MAN2A1: variants seen among roughly 807,000 people sequenced by gnomAD.
The protein encoded by MAN2A1 is alpha-mannosidase 2.
Under a neutral mutation model 142.6 loss-of-function variants are expected in MAN2A1, and 76 were observed. That is an observed-to-expected ratio of 0.53 (90% confidence interval 0.44 to 0.65). MAN2A1 has a LOEUF of 0.65. MAN2A1 is among the 30% of genes least tolerant of loss of function. MAN2A1 has a pLI of 0.00. For missense variants in MAN2A1, 1,311 were observed against 1,365.1 expected (o/e 0.96, Z 0.62); for synonymous variants, 559 against 473.2 (o/e 1.18, Z -2.35).
chr5:109,853,372 G>A (rs1755530924), intron 19 of MAN2A1, among the ~76,000 whole-genome samples: 1 of 151,244 alleles, frequency 6.6e-6, no homozygotes, highest in South Asian at 2.1e-4. Flanking sequence ...AAGAATCTAT[G>A]TTGATTAGAG....
At chr5:109,722,433 G>A (rs1582823943) in intron 3 of MAN2A1, among the ~76,000 whole-genome samples, 1 of 152,056 alleles carries the variant, frequency 6.6e-6, no homozygotes, top group Non-Finnish European at 1.5e-5. Flanking sequence ...TTTGTTTTTT[G>A]AGATGGAGTC....
chr5:109,828,454 C>T (rs1324295746), intron 16 of MAN2A1, among the ~76,000 whole-genome samples: 1 of 152,176 alleles, frequency 6.6e-6, no homozygotes, highest in African/African-American at 2.4e-5. Flanking sequence ...AAGTACATAC[C>T]TTGCAATAAT....
At chr5:109,818,155 T>A (rs904505221) in intron 13 of MAN2A1, among the ~76,000 whole-genome samples, 11 of 152,198 alleles carry the variant, frequency 7.2e-5, no homozygotes, top group Admixed American at 3.3e-4. Flanking sequence ...TATTATTATT[T>A]TTGAGACAGA....
At chr5:109,713,476 T>C in intron 1 of MAN2A1, 44 bp from the exon 2 acceptor site, 2 of 1,516,278 alleles carry the variant, frequency 1.3e-6, no homozygotes, top group Middle Eastern at 1.8e-4. Context: ...TCAGCAGATC[T>C]ATATTAGTAT....
intron 19 of MAN2A1, among the ~76,000 whole-genome samples, chr5:109,851,065 A>G (rs1391219724): frequency 1.3e-5 from 2 of 152,200 alleles, no homozygotes; most frequent in East Asian, 1.9e-4. Context: ...TACTCCCTGA[A>G]TAGGAAGAGA....
At chr5:109,776,423 C>T (rs960385084) in intron 8 of MAN2A1, among the ~76,000 whole-genome samples, 1 of 151,994 alleles carries the variant, frequency 6.6e-6, no homozygotes, top group African/African-American at 2.4e-5. Context: ...GATGCTCATA[C>T]ATGAATATGT....
chr5:109,790,218 A>C (rs958188659), intron 12 of MAN2A1, among the ~76,000 whole-genome samples: 1 of 151,928 alleles, frequency 6.6e-6, no homozygotes, highest in African/African-American at 2.4e-5. Context: ...TAACTGTCAG[A>C]ATCAAGATAT....
intron 13 of MAN2A1, among the ~76,000 whole-genome samples, chr5:109,818,901 C>G (rs1243958132): frequency 6.6e-6 from 1 of 152,148 alleles, no homozygotes; most frequent in Non-Finnish European, 1.5e-5. Flanking sequence ...ACAGCCATGC[C>G]TTGGTATCTG....
intron 5 of MAN2A1, among the ~76,000 whole-genome samples, chr5:109,766,220 A>G (rs1752984515): frequency 6.6e-6 from 1 of 152,144 alleles, no homozygotes. Context: ...GTAGTTACTT[A>G]TCTTACTGTG....
intron 3 of MAN2A1, among the ~76,000 whole-genome samples, chr5:109,724,459 A>C (rs1751689735): frequency 6.6e-6 from 1 of 152,152 alleles, no homozygotes; most frequent in Admixed American, 6.5e-5. Context: ...AGATGAAAGG[A>C]TATTTCTGTT....
At chr5:109,755,987 A>G (rs141697162) in intron 5 of MAN2A1, among the ~76,000 whole-genome samples, 34 of 150,982 alleles carry the variant, frequency 2.3e-4, no homozygotes, top group African/African-American at 8.3e-4. Context: ...CAACCTAGCA[A>G]CCAGGAATTC....
intron 4 of MAN2A1, among the ~76,000 whole-genome samples, chr5:109,735,573 A>G (rs1752067183): frequency 6.6e-6 from 1 of 152,050 alleles, no homozygotes; most frequent in Non-Finnish European, 1.5e-5. Context: ...CTCTCTAGTG[A>G]GATGAACCCG....
rs113462560 is a variant in MAN2A1, at chr5:109,743,691, G to A, written c.708-11638G>A. Among the ~76,000 whole-genome samples, 15 of 152,186 alleles carry A rather than the reference G, an allele frequency of 9.9e-5. 1 individual carries two copies. The highest frequency in any genetic ancestry group is 3.4e-4 in the African/African-American group (14 of 41,520). On this transcript the variant is annotated intron_variant, in intron 4 of 21. Transcript: ENST00000261483. ...CCTGCTTTTCGTCTCCATTGCTCTT[G>A]TCTCGTACTATTGTGAAAACCTCCA... is the stretch of plus-strand genomic sequence containing the variant.
intron 17 of MAN2A1, among the ~76,000 whole-genome samples, chr5:109,845,052 A>G (rs1755311895): frequency 6.6e-6 from 1 of 152,200 alleles, no homozygotes; most frequent in African/African-American, 2.4e-5. Context: ...CCTTTCGTTA[A>G]TGGGCACTTA....
At chr5:109,703,419 A>G (rs1751043780) in intron 1 of MAN2A1, among the ~76,000 whole-genome samples, 2 of 152,240 alleles carry the variant, frequency 1.3e-5, no homozygotes, top group African/African-American at 2.4e-5. Flanking sequence ...ACCATTGCCT[A>G]TATGATGTGT....
At chr5:109,830,486 T>G (rs759810) in intron 16 of MAN2A1, among the ~76,000 whole-genome samples, 86,392 of 152,086 alleles carry the variant, frequency 0.57, 25,005 homozygotes, top group East Asian at 0.91. Flanking sequence ...TAAATTCATC[T>G]TCTAAGAATG....
chr5:109,694,020 G>C (rs1026287201), intron 1 of MAN2A1, among the ~76,000 whole-genome samples: 2 of 152,172 alleles, frequency 1.3e-5, no homozygotes, highest in Middle Eastern at 3.2e-3. Context: ...CTTACAAGCA[G>C]ATTTCACAAG....
intron 12 of MAN2A1, among the ~76,000 whole-genome samples, chr5:109,798,911 C>G (rs746224348): frequency 6.6e-6 from 1 of 152,126 alleles, no homozygotes; most frequent in African/African-American, 2.4e-5. Flanking sequence ...TCAGGATGGT[C>G]TCTATCTCCT....
At chr5:109,713,019 A>G (rs1751346340) in intron 1 of MAN2A1, among the ~76,000 whole-genome samples, 1 of 152,198 alleles carries the variant, frequency 6.6e-6, no homozygotes, top group African/African-American at 2.4e-5. Context: ...TTATGGCTGA[A>G]TTGACTAATT....
Sources: gnomAD v4.1 joint callset for allele counts (sites outside exome capture counted in the v4.1 genomes callset) on GRCh38, gnomAD v4.1.1 for gene constraint, MANE v1.5 for transcripts, NCBI Gene and HGNC (gene_info 2026-07-23, HGNC 2026-07-21) for gene names.